The following NOTCH2 variants were observed in gnomAD, a reference collection of about 807,000 sequenced individuals.
NOTCH2 encodes the protein notch receptor 2.
Under a neutral mutation model 235.8 loss-of-function variants are expected in NOTCH2, and 29 were observed. The observed-to-expected ratio is 0.12, with a 90% CI of 0.09 to 0.17. The LOEUF is 0.17. NOTCH2 is among the 10% of genes least tolerant of loss of function. NOTCH2 has a pLI of 1.00. For synonymous variants in NOTCH2, 1,086 were observed against 1,141.5 expected, an observed-to-expected ratio of 0.95 and a Z score of 0.98; for missense variants, 2,285 against 3,150.2, an observed-to-expected ratio of 0.73 and a Z score of 6.57.
intron 5 of NOTCH2, among the ~76,000 whole-genome samples, chr1:119,978,548 A>G (rs768221220): frequency 6.6e-6 from 1 of 152,196 alleles, no homozygotes; most frequent in Non-Finnish European, 1.5e-5. Flanking sequence ...GAAATACTGC[A>G]GTGCATCTGG....
chr1:119,923,485 G>GT (rs1187518712), intron 26 of NOTCH2, 152 bp downstream of exon 26: 8 of 711,090 alleles, frequency 1.1e-5, no homozygotes, highest in Admixed American at 2.4e-5. Context: ...ACATTTAAAC[G>GT]TAAGTACTGG....
intron 5 of NOTCH2, among the ~76,000 whole-genome samples, chr1:119,986,621 T>G (rs368708023): frequency 6.6e-6 from 1 of 152,162 alleles, no homozygotes; most frequent in Non-Finnish European, 1.5e-5. Context: ...TCCTCTTTAA[T>G]ATTTATTAAG....
chr1:119,934,299 G>A (rs1227887664), intron 22 of NOTCH2, among the ~76,000 whole-genome samples: 1 of 152,134 alleles, frequency 6.6e-6, no homozygotes, highest in Admixed American at 6.5e-5. Flanking sequence ...ATAGAACTGC[G>A]AGCCAAATAT....
In NOTCH2 at chr1:119,922,331, A is replaced by G; in HGVS notation, c.5118T>C (p.His1706=). 6.2e-7 allele frequency: 1 copy of G among 1,614,220 alleles called. No individual in the cohort carries two copies. Among genetic ancestry groups the G allele is most frequent in the Non-Finnish European group, 8.5e-7 (1 of 1,180,034 alleles). Residue 1706 remains histidine (H), a synonymous_variant, in exon 28 of 34, where the codon CAT becomes CAC. Coordinates refer to ENST00000256646, the MANE Select transcript of NOTCH2 (RefSeq NM_024408.4). ...AACCTTCAGGCAGCCAGAGAGAGCC[A>G]TGCTTACGCTTTCGTTTTGCCATGA... ...GVIMAKRKRK[H]GSLWLPEGFT...
rs1053226923 is a variant in NOTCH2 at position 119,911,946 on chromosome 1, T to G, written c.*3360A>C. ...AAAAGAAGTTTGGTGCTAGGCTTTG[T>G]GGGATTCAGAAAGAAAAGAAAATTT... On this transcript the variant is annotated 3_prime_UTR_variant, in exon 34 of 34. Coordinates refer to ENST00000256646, the MANE Select transcript of NOTCH2 (RefSeq NM_024408.4). 4.3e-5 allele frequency: 10 copies of G among 233,200 alleles called. No individual in the cohort carries two copies. The East Asian group carries it at 6.0e-4, about 14-fold the overall frequency. 14.4% of individuals were successfully genotyped at this position (233,200 alleles called of 1,614,324 possible). A position where few individuals can be genotyped will look rare whatever the true frequency, so the allele number is the denominator to read the frequency against.
intron 30 of NOTCH2, 131 bp from the exon 31 acceptor site, chr1:119,919,744 T>C (rs1010813313): frequency 4.6e-6 from 4 of 875,344 alleles, no homozygotes; most frequent in African/African-American, 3.3e-5. Context: ...TAGTAACTGG[T>C]TATTAGTTTC....
rs563486507 is a variant in NOTCH2 at position 119,917,734 on chromosome 1, A to G, written c.5958T>C (p.Ala1986=). The change falls in exon 33 of 34, where the codon GCT becomes GCC. Residue 1986 remains alanine (A), a synonymous_variant. Transcript: ENST00000256646. ...AAAGAGTTGCCTCCACATTATTGACAGCAGCTGCCCAGTGAAGAGCAGATT... is the reference window on the plus strand; with the variant it reads ...AAAGAGTTGCCTCCACATTATTGACGGCAGCTGCCCAGTGAAGAGCAGATT... ...HGKSALHWAA[A]VNNVEATLLL... The G allele has an allele frequency of 4.2e-5, 67 of 1,613,716 alleles. No homozygotes were observed. In the Middle Eastern group the frequency reaches 8.2e-4, roughly 20 times the overall value.
rs1165933486 is a variant in NOTCH2, at chr1:120,033,523, G to T, written c.74-3536C>A. ...CATTTGAGACAACATGGATAGAATT[G>T]GAGAACATTATGCTAAGTGAAATAA... On this transcript the variant is annotated intron_variant, in intron 1 of 33. Coordinates refer to ENST00000256646, the MANE Select transcript of NOTCH2 (RefSeq NM_024408.4). Among the ~76,000 whole-genome samples the T allele has an allele frequency of 2.0e-5, 3 of 148,266 alleles. No individual in the cohort carries two copies. In the East Asian group the frequency reaches 6.0e-4, roughly 30 times the overall value.
At chr1:119,959,701 T>C (rs1650863715) in intron 11 of NOTCH2, among the ~76,000 whole-genome samples, 199 bp from the exon 12 acceptor site, 1 of 152,234 alleles carries the variant, frequency 6.6e-6, no homozygotes, top group Non-Finnish European at 1.5e-5. Context: ...TTATTAATCA[T>C]ACTTAGCCAT....
intron 3 of NOTCH2, among the ~76,000 whole-genome samples, chr1:120,002,779 C>T (rs1433526337): frequency 6.9e-6 from 1 of 145,404 alleles, no homozygotes; most frequent in Non-Finnish European, 1.5e-5. Flanking sequence ...TTATTGACTT[C>T]ACATCAGCAT....
At chr1:119,981,130 A>G (rs1487617034) in intron 5 of NOTCH2, among the ~76,000 whole-genome samples, 3 of 151,278 alleles carry the variant, frequency 2.0e-5, no homozygotes, top group Non-Finnish European at 2.9e-5. Context: ...CACTTGGAAA[A>G]CTCATCTCCA....
At chr1:119,920,139 T>A in intron 30 of NOTCH2, 90 bp downstream of exon 30, 1 of 1,468,588 alleles carries the variant, frequency 6.8e-7, no homozygotes, top group Non-Finnish European at 9.5e-7. Flanking sequence ...GGGAAGGGGT[T>A]TATGACTGGA....
intron 1 of NOTCH2, chr1:120,069,119 G>A (rs782660930): frequency 1.3e-6 from 2 of 1,524,148 alleles, no homozygotes; most frequent in African/African-American, 1.4e-5. Flanking sequence ...CCGGGCCGCG[G>A]GGAGCAGAGG....
chr1:119,972,099 TG>T (rs1651387301), intron 5 of NOTCH2, among the ~76,000 whole-genome samples: 1 of 120,532 alleles, frequency 8.3e-6, no homozygotes, highest in Admixed American at 9.2e-5. Flanking sequence ...GAGTAAAAGA[TG>T]GAGGGAGGTG....
chr1:119,943,035 G>C (rs1340604051), intron 17 of NOTCH2, among the ~76,000 whole-genome samples: 1 of 151,998 alleles, frequency 6.6e-6, no homozygotes, highest in African/African-American at 2.4e-5. Context: ...ACCACGCCTG[G>C]CTAATTTTTG....
intron 26 of NOTCH2, among the ~76,000 whole-genome samples, 175 bp downstream of exon 26, chr1:119,923,462 A>G (rs986857743): frequency 2.6e-5 from 4 of 152,222 alleles, no homozygotes; most frequent in Admixed American, 6.5e-5. Context: ...AGCCAAGACG[A>G]AGGCATATCT....
intron 1 of NOTCH2, among the ~76,000 whole-genome samples, chr1:120,064,777 T>C (rs1655438712): frequency 6.8e-6 from 1 of 147,552 alleles, no homozygotes; most frequent in Non-Finnish European, 1.5e-5. Context: ...CAAATATACT[T>C]TACTAAATGT....
rs1409923432 is a variant in NOTCH2, at chr1:119,925,272, C to A, written c.4511+33G>T. ...GAAACTGAAGTGTGTTAGTGACAGT[C>A]CCCTTCAGTTCTGGAAAACGTGAAG... On this transcript the variant is annotated intron_variant, in intron 25 of 33. Transcript: ENST00000256646. 4 of 1,612,100 alleles carry A rather than the reference C, an allele frequency of 2.5e-6. No homozygotes were observed. The South Asian group carries it at 3.3e-5, about 13-fold the overall frequency.
At chr1:120,063,073 T>C (rs1322968589) in intron 1 of NOTCH2, among the ~76,000 whole-genome samples, 1 of 151,210 alleles carries the variant, frequency 6.6e-6, no homozygotes, top group Non-Finnish European at 1.5e-5. Flanking sequence ...TATGAGCATA[T>C]CCTTTCAGAT....
Sources: gnomAD v4.1 joint callset for allele counts (sites outside exome capture counted in the v4.1 genomes callset) on GRCh38, gnomAD v4.1.1 for gene constraint, MANE v1.5 for transcripts, NCBI Gene and HGNC (gene_info 2026-07-23, HGNC 2026-07-21) for gene names.